Variants in NKAIN2 observed in about 807,000 individuals in gnomAD.
NKAIN2 encodes the protein sodium/potassium-transporting ATPase subunit beta-1-interacting protein 2.
In NKAIN2, 14 loss-of-function variants were observed where a neutral mutation model predicts 32.6. The ratio of observed to expected loss-of-function variants is 0.43; its 90% confidence interval spans 0.28 to 0.67. NKAIN2 has a LOEUF of 0.67. Among genes scored for constraint, NKAIN2 ranks in the 30% least tolerant of loss-of-function variants. The pLI is 0.17. For synonymous variants in NKAIN2, 80 were observed against 87.2 expected (o/e 0.92, Z 0.46); for missense variants, 198 against 258.3 (o/e 0.77, Z 1.60).
At chr6:124,115,656 T>C (rs1785573929) in intron 1 of NKAIN2, among the ~76,000 whole-genome samples, 1 of 152,086 alleles carries the variant, frequency 6.6e-6, no homozygotes, top group Non-Finnish European at 1.5e-5. Flanking sequence ...CCTTAAAAAA[T>C]TTTGAAAATC....
intron 3 of NKAIN2, among the ~76,000 whole-genome samples, chr6:124,367,693 C>T (rs1318821012): frequency 1.3e-5 from 2 of 152,122 alleles, no homozygotes; most frequent in South Asian, 2.1e-4. Context: ...CTGGGAACTT[C>T]GACATAGGGC....
intron 3 of NKAIN2, among the ~76,000 whole-genome samples, chr6:124,571,612 C>T (rs1781130357): frequency 6.6e-6 from 1 of 152,150 alleles, no homozygotes; most frequent in South Asian, 2.1e-4. Flanking sequence ...GATGCCTCCT[C>T]AGCCACGTGG....
At chr6:124,601,805 C>G (rs1782317609) in intron 3 of NKAIN2, among the ~76,000 whole-genome samples, 1 of 151,900 alleles carries the variant, frequency 6.6e-6, no homozygotes, top group Non-Finnish European at 1.5e-5. Flanking sequence ...TTTACATGAG[C>G]CAGGCTTCTT....
At chr6:124,412,450 G>C (rs997767273) in intron 3 of NKAIN2, among the ~76,000 whole-genome samples, 2 of 152,168 alleles carry the variant, frequency 1.3e-5, no homozygotes, top group African/African-American at 2.4e-5. Flanking sequence ...TCTAGACCCT[G>C]TTTGCCTGGG....
chr6:123,977,624 T>A (rs1778701042), intron 1 of NKAIN2, among the ~76,000 whole-genome samples: 1 of 152,174 alleles, frequency 6.6e-6, no homozygotes, highest in Non-Finnish European at 1.5e-5. Context: ...TTGTGTCTTA[T>A]CCGGAGCCCT....
At chr6:124,821,145 A>C (rs889805626) in intron 6 of NKAIN2, among the ~76,000 whole-genome samples, 1 of 152,040 alleles carries the variant, frequency 6.6e-6, no homozygotes, top group Non-Finnish European at 1.5e-5. Flanking sequence ...AAATACAAAA[A>C]TTAGCCAGGC....
chr6:124,190,378 G>T (rs1789956019), intron 1 of NKAIN2, among the ~76,000 whole-genome samples: 1 of 152,164 alleles, frequency 6.6e-6, no homozygotes. Flanking sequence ...TTCCAACCTT[G>T]GCATCATGTA....
At chr6:124,152,245 G>T (rs765045680) in intron 1 of NKAIN2, among the ~76,000 whole-genome samples, 1 of 151,806 alleles carries the variant, frequency 6.6e-6, no homozygotes, top group African/African-American at 2.4e-5. Flanking sequence ...CACATTTGTC[G>T]TAATCACAGT....
intron 3 of NKAIN2, among the ~76,000 whole-genome samples, chr6:124,415,702 G>A (rs1774432109): frequency 6.6e-6 from 1 of 152,046 alleles, no homozygotes; most frequent in Admixed American, 6.5e-5. Flanking sequence ...AGCTACCTAG[G>A]AGGTGTCAAC....
chr6:123,886,316 A>G (rs1773710800), intron 1 of NKAIN2, among the ~76,000 whole-genome samples: 1 of 152,102 alleles, frequency 6.6e-6, no homozygotes, highest in Admixed American at 6.6e-5. Flanking sequence ...ATATATTCAT[A>G]GAGTATTATA....
intron 3 of NKAIN2, among the ~76,000 whole-genome samples, chr6:124,642,562 T>G (rs975004992): frequency 2.0e-5 from 3 of 152,178 alleles, no homozygotes; most frequent in Admixed American, 2.0e-4. Context: ...ACTTAAAATT[T>G]AATCCAGTAT....
chr6:124,394,482 G>T (rs955853549), intron 3 of NKAIN2, among the ~76,000 whole-genome samples: 1 of 151,206 alleles, frequency 6.6e-6, no homozygotes, highest in African/African-American at 2.4e-5. Context: ...TAGATAGATA[G>T]ATAGATAGAT....
At chr6:124,285,342 A>G (rs1795489259) in intron 2 of NKAIN2, among the ~76,000 whole-genome samples, 1 of 152,166 alleles carries the variant, frequency 6.6e-6, no homozygotes, top group Admixed American at 6.5e-5. Flanking sequence ...TCTGTGGCTA[A>G]AAGATAACAA....
chr6:124,385,737 T>A (rs1772869442), intron 3 of NKAIN2, among the ~76,000 whole-genome samples: 1 of 150,842 alleles, frequency 6.6e-6, no homozygotes, highest in Non-Finnish European at 1.5e-5. Flanking sequence ...AACATATCTA[T>A]CTCATGAGTA....
At chr6:124,715,460 C>T (rs1043603314) in intron 4 of NKAIN2, among the ~76,000 whole-genome samples, 29 of 152,138 alleles carry the variant, frequency 1.9e-4, no homozygotes, top group Middle Eastern at 3.2e-3. Context: ...AGCTCTGCTC[C>T]GTGAGCCACT....
At chr6:124,141,027 T>C (rs967472130) in intron 1 of NKAIN2, among the ~76,000 whole-genome samples, 7 of 152,210 alleles carry the variant, frequency 4.6e-5, no homozygotes, top group Admixed American at 1.3e-4. Context: ...AGGACAAAAC[T>C]TGTAATGATT....
intron 2 of NKAIN2, among the ~76,000 whole-genome samples, chr6:124,331,371 A>AAAAAAAAAC (rs1562494300): frequency 4.2e-5 from 6 of 144,112 alleles, no homozygotes; most frequent in African/African-American, 1.3e-4. Flanking sequence ...AAAAAAAAAA[A>AAAAAAAAAC]AAAAAAAACT....
At chr6:124,616,433 C>CTTTTTTTTTTTTTTTTT (rs1562285900) in intron 3 of NKAIN2, among the ~76,000 whole-genome samples, 1 of 68,064 alleles carries the variant, frequency 1.5e-5, no homozygotes, top group African/African-American at 7.4e-5. Context: ...TTTTTCTTTT[C>CTTTTTTTTTTTTTTTTT]TTTCTTTTTT....
intron 1 of NKAIN2, among the ~76,000 whole-genome samples, chr6:123,933,088 G>T (rs1352722653): frequency 6.6e-6 from 1 of 152,192 alleles, no homozygotes; most frequent in East Asian, 1.9e-4. Context: ...GTCAGGGCCA[G>T]CTGCATAATT....
Sources: gnomAD v4.1 joint callset for allele counts (sites outside exome capture counted in the v4.1 genomes callset) on GRCh38, gnomAD v4.1.1 for gene constraint, MANE v1.5 for transcripts, NCBI Gene and HGNC (gene_info 2026-07-23, HGNC 2026-07-21) for gene names.